The following CTDSPL variants were observed in gnomAD, a reference collection of about 807,000 sequenced individuals.
CTDSPL encodes CTD small phosphatase like, also known as CTD small phosphatase-like protein.
A neutral mutation model predicts 30.5 loss-of-function variants in CTDSPL; 8 were observed. That is an observed-to-expected ratio of 0.26 (90% CI 0.15 to 0.47). The LOEUF is 0.47. CTDSPL is among the 20% of genes least tolerant of loss of function. The probability of loss-of-function intolerance (pLI) is 0.99; values close to 1 mark genes in which losing one functional copy is unlikely to be tolerated. For synonymous variants in CTDSPL, 110 were observed against 137.9 expected, an observed-to-expected ratio of 0.80 and a Z score of 1.42; for missense variants, 248 against 366.1, an observed-to-expected ratio of 0.68 and a Z score of 2.63.
intron 1 of CTDSPL, among the ~76,000 whole-genome samples, chr3:37,903,435 TG>T (rs925953280): frequency 1.3e-5 from 2 of 152,184 alleles, no homozygotes; most frequent in African/African-American, 4.8e-5. Context: ...AGGCTGATTT[TG>T]GAAGCTGGGG....
In CTDSPL at chr3:37,952,602, T is replaced by C. The variant is rs896818116; in HGVS notation, c.235-4509T>C. ...TTGGCCTGACACAGTGCCTGGCAGA[T>C]TTCTTTTACTTACTGCCAAAATCAT... On this transcript the variant is annotated intron_variant, in intron 2 of 7. Coordinates refer to ENST00000273179, the MANE Select transcript of CTDSPL (RefSeq NM_001008392.2). Among the ~76,000 whole-genome samples the C allele has an allele frequency of 2.6e-5, 4 of 152,232 alleles. No individual in the cohort carries two copies. The East Asian group carries it at 7.7e-4, about 29-fold the overall frequency.
At chr3:37,964,033 A>T (rs889658486) in intron 3 of CTDSPL, among the ~76,000 whole-genome samples, 4 of 53,820 alleles carry the variant, frequency 7.4e-5, no homozygotes, top group Admixed American at 1.8e-4. Context: ...CTCAGTCACT[A>T]AAAAAAAAAA....
chr3:37,974,420 G>A (rs1469030380), intron 6 of CTDSPL, among the ~76,000 whole-genome samples: 1 of 152,240 alleles, frequency 6.6e-6, no homozygotes, highest in East Asian at 1.9e-4. Context: ...AGCGCCACCA[G>A]CCACAGGTGC....
At chr3:37,923,095 G>A (rs532829451) in intron 1 of CTDSPL, among the ~76,000 whole-genome samples, 11 of 152,358 alleles carry the variant, frequency 7.2e-5, no homozygotes, top group South Asian at 2.1e-4. Flanking sequence ...TTTCAGAAAA[G>A]ATCGTTCTAG....
chr3:37,877,789 G>C (rs1219003883), intron 1 of CTDSPL, among the ~76,000 whole-genome samples: 1 of 152,172 alleles, frequency 6.6e-6, no homozygotes, highest in East Asian at 1.9e-4. Context: ...AGTCGTGGCA[G>C]AAGGCAAAGA....
At chr3:37,885,092 C>T (rs991111255) in intron 1 of CTDSPL, among the ~76,000 whole-genome samples, 4 of 152,114 alleles carry the variant, frequency 2.6e-5, no homozygotes, top group Admixed American at 6.5e-5. Context: ...TGAGAGAATT[C>T]AGGATACTGA....
At chr3:37,921,078 C>T (rs750171181) in intron 1 of CTDSPL, among the ~76,000 whole-genome samples, 4 of 152,200 alleles carry the variant, frequency 2.6e-5, no homozygotes, top group Non-Finnish European at 4.4e-5. Flanking sequence ...AGAGGAAGAG[C>T]AGAGAAACAG....
chr3:37,934,864 A>G (rs541302114), intron 1 of CTDSPL, among the ~76,000 whole-genome samples: 1 of 152,322 alleles, frequency 6.6e-6, no homozygotes, highest in Non-Finnish European at 1.5e-5. Flanking sequence ...ATCTATTATT[A>G]GAGGCCTATT....
chr3:37,968,156 T>C, intron 5 of CTDSPL: 2 of 442,624 alleles, frequency 4.5e-6, no homozygotes, highest in South Asian at 2.1e-5. Context: ...TATCCCCCAC[T>C]GGCCTAGCTT....
chr3:37,974,850 A>G (rs1235779014), intron 6 of CTDSPL, among the ~76,000 whole-genome samples: 1 of 152,192 alleles, frequency 6.6e-6, no homozygotes, highest in Non-Finnish European at 1.5e-5. Context: ...ATGCCATTCA[A>G]GACACATTGG....
At chr3:37,946,616 A>G (rs1162367596) in intron 1 of CTDSPL, among the ~76,000 whole-genome samples, 2 of 152,148 alleles carry the variant, frequency 1.3e-5, no homozygotes, top group Non-Finnish European at 2.9e-5. Flanking sequence ...ATTCAAAGTG[A>G]TTATTTGTTG....
chr3:37,911,210 C>G (rs1698579125), intron 1 of CTDSPL, among the ~76,000 whole-genome samples: 2 of 152,176 alleles, frequency 1.3e-5, no homozygotes, highest in Non-Finnish European at 2.9e-5. Flanking sequence ...AGGGCAAGCC[C>G]CAGATGGGAT....
intron 2 of CTDSPL, 47 bp downstream of exon 2, chr3:37,947,258 G>C: frequency 6.3e-7 from 1 of 1,584,740 alleles, no homozygotes; most frequent in Non-Finnish European, 8.6e-7. Context: ...TGCAGCAGTG[G>C]CATCTCTGTC....
At chr3:37,922,080 A>C (rs1266491080) in intron 1 of CTDSPL, among the ~76,000 whole-genome samples, 1 of 152,030 alleles carries the variant, frequency 6.6e-6, no homozygotes, top group African/African-American at 2.4e-5. Context: ...AAAAATACAA[A>C]AAGTAGCCAG....
At chr3:37,934,257 G>A (rs2125616510) in intron 1 of CTDSPL, among the ~76,000 whole-genome samples, 1 of 151,694 alleles carries the variant, frequency 6.6e-6, no homozygotes, top group East Asian at 1.9e-4. Flanking sequence ...AGCCCAGGAA[G>A]TCAAGACTAC....
At chr3:37,980,509 T>A (rs866520595) in intron 7 of CTDSPL, among the ~76,000 whole-genome samples, 101 of 152,350 alleles carry the variant, frequency 6.6e-4, no homozygotes, top group African/African-American at 2.4e-3. Context: ...AACAGGCAAA[T>A]GCACACAAAC....
chr3:37,873,117 A>G (rs1020732627), intron 1 of CTDSPL, among the ~76,000 whole-genome samples: 31 of 152,170 alleles, frequency 2.0e-4, no homozygotes, highest in African/African-American at 7.5e-4. Context: ...GCTCATTACC[A>G]GCTTTCAGGG....
In CTDSPL at chr3:37,882,612, G is replaced by A. The variant is rs149699660; in HGVS notation, c.79+20334G>A. 1.4e-3 allele frequency among the ~76,000 whole-genome samples: 212 copies of A among 152,004 alleles called. 1 individual carries two copies. Among genetic ancestry groups the A allele is most frequent in the Non-Finnish European group, 2.2e-3 (151 of 67,982 alleles). ...AGCCTGAGTGACAGAGGAAGACTCC[G>A]TCTCAAAAAATAATAATAATAATAA... On this transcript the variant is annotated intron_variant, in intron 1 of 7. Coordinates refer to ENST00000273179, the MANE Select transcript of CTDSPL (RefSeq NM_001008392.2).
chr3:37,921,190 T>C (rs1048175883), intron 1 of CTDSPL, among the ~76,000 whole-genome samples: 2 of 152,098 alleles, frequency 1.3e-5, no homozygotes, highest in African/African-American at 2.4e-5. Flanking sequence ...AGGGCCATTT[T>C]CCCCCCAGGT....
Sources: gnomAD v4.1 joint callset for allele counts (sites outside exome capture counted in the v4.1 genomes callset) on GRCh38, gnomAD v4.1.1 for gene constraint, MANE v1.5 for transcripts, NCBI Gene and HGNC (gene_info 2026-07-23, HGNC 2026-07-21) for gene names.